Variants in PCDHGC5 observed in about 807,000 individuals in gnomAD.
PCDHGC5 encodes the protein protocadherin gamma subfamily C, 5, also known as protocadherin gamma-C5.
In PCDHGC5, 25 loss-of-function variants were observed where a neutral mutation model predicts 59.0. The observed-to-expected ratio is 0.42, with a 90% CI of 0.31 to 0.59. PCDHGC5 has a LOEUF of 0.59. Among genes scored for constraint, PCDHGC5 ranks in the 20% least tolerant of loss-of-function variants. PCDHGC5 has a pLI of 0.13. For synonymous variants in PCDHGC5, 434 were observed against 505.5 expected (o/e 0.86, Z 1.90); for missense variants, 1,067 against 1,206.4 (o/e 0.88, Z 1.71).
Position 141,491,498 on chromosome 5 carries a change from C to T in PCDHGC5, c.2258C>T (p.Ser753Leu), listed in dbSNP as rs975297143. 2 of 1,614,102 alleles carry T rather than the reference C, an allele frequency of 1.2e-6. No homozygotes were observed. Among genetic ancestry groups the T allele is most frequent in the Non-Finnish European group, 1.7e-6 (2 of 1,180,018 alleles). ...TCCAGCCCCAACCTGCAGGTGAGCT[C>T]GGACGGCACGCTCAAGTACATGGAG... Reference protein sequence around the residue: ...KQSSPNLQVSSDGTLKYMEVT... With the variant: ...KQSSPNLQVSLDGTLKYMEVT... Residue 753 changes from serine (S) to leucine (L), a missense_variant, in exon 1 of 4, where the codon TCG becomes TTG. Ser to Leu is a moderately radical substitution (Grantham distance 145, BLOSUM62 -2). Transcript: ENST00000252087. The surrounding 1 kb of genome is among the most constrained non-coding windows in gnomAD (Gnocchi z 6.9).
At chr5:141,502,866 C>CTTTTTTTT (rs549047197) in intron 2 of PCDHGC5, among the ~76,000 whole-genome samples, 38,988 of 127,080 alleles carry the variant, frequency 0.31, 7,978 homozygotes, top group African/African-American at 0.51. Flanking sequence ...GACTCTCTGT[C>CTTTTTTTT]TTTTTTTTTT....
In PCDHGC5 at chr5:141,490,108, C is replaced by A; in HGVS notation, c.868C>A (p.Arg290=). The A allele has an allele frequency of 6.2e-7, 1 of 1,614,244 alleles. No homozygotes were observed. The highest frequency in any genetic ancestry group is 8.5e-7 in the Non-Finnish European group (1 of 1,180,034). The change falls in exon 1 of 4, where the codon CGG becomes AGG. Residue 290 remains arginine (R), a synonymous_variant. Transcript: ENST00000252087. This position sits in a 1 kb window ranked among gnomAD's most constrained non-coding sequence, Gnocchi z 5.4. The stretch of plus-strand genomic sequence containing the variant: ...TGGAGACCACACATCTGAGGCAGTG[C>A]GGAACCTCTTTGGCCTAGACCCTAG... The part of the protein sequence containing the change: ...SFGDHTSEAV[R]NLFGLDPSSG...
rs747268184 is a variant in PCDHGC5, at chr5:141,489,769, C to A, written c.529C>A (p.His177Asn). Residue 177 changes from histidine (H) to asparagine (N), a missense_variant, in exon 1 of 4, where the codon CAC (histidine) becomes AAC (asparagine). His to Asn is a moderately conservative substitution (Grantham distance 68, BLOSUM62 1). Coordinates refer to ENST00000252087, the MANE Select transcript of PCDHGC5 (RefSeq NM_018929.3). This position sits in a 1 kb window ranked among gnomAD's most constrained non-coding sequence, Gnocchi z 4.5. ...CTTTTACACTCTAAGCCCCAACAGC[C>A]ACTTCTCTCTGAATGTGAAGACCCT... ...VSFYTLSPNS[H>N]FSLNVKTLKD... The A allele has an allele frequency of 6.2e-7, 1 of 1,614,156 alleles. No individual in the cohort carries two copies. The highest frequency in any genetic ancestry group is 1.1e-5 in the South Asian group (1 of 91,080).
Position 141,491,795 on chromosome 5 carries a change from C to T in PCDHGC5, c.2460+95C>T. On this transcript the variant is annotated intron_variant, in intron 1 of 3. Coordinates refer to ENST00000252087, the MANE Select transcript of PCDHGC5 (RefSeq NM_018929.3). This position sits in a 1 kb window ranked among gnomAD's most constrained non-coding sequence, Gnocchi z 6.9. ...GGATTGAACTTGCATCCACTCCTCT[C>T]CGGCCGGCTTGGTCGCTGGCTGCGC... 6 of 1,511,694 alleles carry T rather than the reference C, an allele frequency of 4.0e-6. No individual in the cohort carries two copies. Among genetic ancestry groups the T allele is most frequent in the Non-Finnish European group, 5.3e-6 (6 of 1,130,430 alleles). 93.6% of individuals were successfully genotyped at this position (1,511,694 alleles called of 1,614,324 possible).
At chr5:141,509,106 A>T (rs1159119530) in intron 3 of PCDHGC5, among the ~76,000 whole-genome samples, 1 of 152,102 alleles carries the variant, frequency 6.6e-6, no homozygotes, top group Non-Finnish European at 1.5e-5. Flanking sequence ...TAGAAACCTG[A>T]GCGCTGGTGC....
At position 141,489,181 on chromosome 5, in the gene PCDHGC5, T is replaced by C; in HGVS notation, c.-60T>C. The C allele has an allele frequency of 1.6e-6, 2 of 1,259,546 alleles. No homozygotes were observed. The highest frequency in any genetic ancestry group is 2.2e-6 in the Non-Finnish European group (2 of 905,040). The allele number at this position is 1,259,546 out of a possible 1,614,324, so 78.0% of individuals were successfully genotyped here. ...ACTTCAGCTGCTGCATTCCAAGCCC[T>C]GGGTCTACCTTGGAGACAGGACAGC... On this transcript the variant is annotated 5_prime_UTR_variant, in exon 1 of 4. Transcript: ENST00000252087. This position sits in a 1 kb window ranked among gnomAD's most constrained non-coding sequence, Gnocchi z 4.5.
At chr5:141,495,270 G>A (rs1428903664) in intron 2 of PCDHGC5, among the ~76,000 whole-genome samples, 1 of 152,178 alleles carries the variant, frequency 6.6e-6, no homozygotes, top group African/African-American at 2.4e-5. Context: ...GCATTTGACC[G>A]GAGGAGGCGG....
chr5:141,504,474 G>A (rs903417314), intron 2 of PCDHGC5, among the ~76,000 whole-genome samples: 1 of 152,066 alleles, frequency 6.6e-6, no homozygotes, highest in African/African-American at 2.4e-5. Context: ...TGGGATGGGA[G>A]TACAGTGGAG....
Position 141,490,820 on chromosome 5 carries a change from T to G in PCDHGC5, c.1580T>G (p.Leu527Arg). Residue 527 changes from leucine (L) to arginine (R), a missense_variant, in exon 1 of 4, where the codon CTG becomes CGG. Physicochemically the swap from Leu to Arg is moderately radical, Grantham distance 102. Transcript: ENST00000252087. The surrounding 1 kb of genome is among the most constrained non-coding windows in gnomAD (Gnocchi z 5.4). ...CAGCGTACCTTTGACTATGAATTGC[T>G]GCAGATGCTGCAGATTGTGGTGGGG... ...FAQRTFDYEL[L>R]QMLQIVVGVR... is the part of the protein sequence containing the mutation. 6.2e-7 allele frequency: 1 copy of G among 1,613,820 alleles called. No homozygotes were observed. Among genetic ancestry groups the G allele is most frequent in the Non-Finnish European group, 8.5e-7 (1 of 1,179,768 alleles).
At chr5:141,498,803 C>T (rs916966107) in intron 2 of PCDHGC5, among the ~76,000 whole-genome samples, 5 of 151,982 alleles carry the variant, frequency 3.3e-5, no homozygotes, top group African/African-American at 1.2e-4. Flanking sequence ...TGTGGTGGTG[C>T]ACACCTGTAG....
intron 3 of PCDHGC5, among the ~76,000 whole-genome samples, chr5:141,507,893 G>C (rs750472786): frequency 2.2e-4 from 33 of 152,356 alleles, no homozygotes; most frequent in Non-Finnish European, 4.1e-4. Context: ...AGAGGTTCCT[G>C]AAGTCCAGCC....
chr5:141,510,435 C>T (rs938448523), intron 3 of PCDHGC5, among the ~76,000 whole-genome samples: 2 of 152,108 alleles, frequency 1.3e-5, no homozygotes, highest in Non-Finnish European at 2.9e-5. Context: ...ATGGCTGCTG[C>T]CCTCCAGGAG....
chr5:141,505,270 G>A (rs550800630), intron 2 of PCDHGC5, 123 bp from the exon 3 acceptor site: 103 of 1,520,724 alleles, frequency 6.8e-5, no homozygotes, highest in Middle Eastern at 4.6e-4. Context: ...CTTGCTGAGA[G>A]AAACAGGTCT....
chr5:141,500,318 C>T (rs1005060282), intron 2 of PCDHGC5, among the ~76,000 whole-genome samples: 3 of 151,948 alleles, frequency 2.0e-5, no homozygotes, highest in African/African-American at 7.3e-5. Context: ...ACGCCATGCT[C>T]CTGCCTCAGC....
intron 3 of PCDHGC5, among the ~76,000 whole-genome samples, chr5:141,507,713 C>T (rs2099862763): frequency 6.6e-6 from 1 of 152,234 alleles, no homozygotes; most frequent in Non-Finnish European, 1.5e-5. Flanking sequence ...GGCCCCAAAC[C>T]CTCCAAGCAA....
At chr5:141,497,855 C>T (rs1447484949) in intron 2 of PCDHGC5, among the ~76,000 whole-genome samples, 1 of 152,122 alleles carries the variant, frequency 6.6e-6, no homozygotes, top group Non-Finnish European at 1.5e-5. Flanking sequence ...ATTTTTGATT[C>T]AGCGGCTCCA....
In PCDHGC5 at chr5:141,491,665, C is replaced by A; in HGVS notation, c.2425C>A (p.Arg809=). 1 of 1,613,764 alleles carries A rather than the reference C, an allele frequency of 6.2e-7. No individual in the cohort carries two copies. Among genetic ancestry groups the A allele is most frequent in the Admixed American group, 1.7e-5 (1 of 60,034 alleles). Residue 809 remains arginine, a synonymous_variant, in exon 1 of 4, where the codon CGG becomes AGG. Coordinates refer to ENST00000252087, the MANE Select transcript of PCDHGC5 (RefSeq NM_018929.3). The surrounding 1 kb of genome is among the most constrained non-coding windows in gnomAD (Gnocchi z 6.9). The part of the protein sequence containing the change: ...TALALEPDAI[R]SRSNTLRERS... ...TCTGGCGCTGGAGCCTGACGCCATCCGGTCCCGCTCTAATACGCTGCGGGA... is the reference window on the plus strand; with the variant it reads ...TCTGGCGCTGGAGCCTGACGCCATCAGGTCCCGCTCTAATACGCTGCGGGA...
At chr5:141,505,523 G>C in intron 3 of PCDHGC5, 42 bp downstream of exon 3, 2 of 1,612,760 alleles carry the variant, frequency 1.2e-6, no homozygotes, top group South Asian at 2.2e-5. Context: ...GGGAGACCTG[G>C]GGTTCTGGGG....
At chr5:141,498,971 GGGAAGGAA>G (rs201769957) in intron 2 of PCDHGC5, among the ~76,000 whole-genome samples, 18,877 of 110,786 alleles carry the variant, frequency 0.17, 1,784 homozygotes, top group Admixed American at 0.31. Context: ...GAGGGAGGGA[GGGAAGGAA>G]GGAAGGAAGG....
Sources: allele counts gnomAD v4.1 joint callset (sites outside exome capture counted in the v4.1 genomes callset), GRCh38; gene constraint gnomAD v4.1.1; non-coding constraint Gnocchi (gnomAD v3.1); transcripts MANE v1.5; gene names NCBI Gene and HGNC (gene_info 2026-07-23, HGNC 2026-07-21).